The following FAN1 variants were observed in gnomAD, a reference collection of about 807,000 sequenced individuals.
FAN1 encodes the protein fanconi-associated nuclease 1.
A neutral mutation model predicts 104.9 loss-of-function variants in FAN1; 91 were observed. The observed-to-expected ratio is 0.87, with a 90% CI of 0.73 to 1.03. FAN1 has a LOEUF of 1.03. Ranked by LOEUF, FAN1 falls within the 50% of genes least tolerant of loss-of-function variation. FAN1 has a pLI of 0.00. For missense variants in FAN1, 1,263 were observed against 1,239.9 expected (o/e 1.02, Z -0.28); for synonymous variants, 478 against 457.6 (o/e 1.04, Z -0.57).
At chr15:30,938,319 C>G (rs1343545275) in intron 14 of FAN1, among the ~76,000 whole-genome samples, 1 of 152,108 alleles carries the variant, frequency 6.6e-6, no homozygotes, top group Non-Finnish European at 1.5e-5. Flanking sequence ...TTATGATTAT[C>G]TAAGAAGGGC....
chr15:30,909,092 C>G (rs1159332504), intron 3 of FAN1, among the ~76,000 whole-genome samples: 2 of 151,288 alleles, frequency 1.3e-5, no homozygotes, highest in African/African-American at 4.9e-5. Flanking sequence ...TGATACCCTT[C>G]GTTGTCTTGT....
Position 30,942,276 on chromosome 15 carries a change from TTACTATCAGCCTGAA to T in FAN1, c.*716_*730del. The T allele has an allele frequency of 1.5e-6, 1 of 657,816 alleles. No homozygotes were observed. The highest frequency in any genetic ancestry group is 3.0e-5 in the Admixed American group (1 of 33,140). The allele number at this position is 657,816 out of a possible 1,614,324, so 40.7% of individuals were successfully genotyped here. A position where few individuals can be genotyped will look rare whatever the true frequency, so the allele number is the denominator to read the frequency against. On this transcript the variant is annotated 3_prime_UTR_variant, in exon 15 of 15. Coordinates refer to ENST00000362065, the MANE Select transcript of FAN1 (RefSeq NM_014967.5). ...TTATGTGTTGACTCTACCTAGGCTG[TTACTATCAGCCTGAA>T]TGGGGGCGGGATGAGAGTACCTCCT...
At chr15:30,936,911 A>G (rs1268547430) in intron 13 of FAN1, among the ~76,000 whole-genome samples, 1 of 152,204 alleles carries the variant, frequency 6.6e-6, no homozygotes, top group African/African-American at 2.4e-5. Flanking sequence ...TGTTGAATGT[A>G]TATCACTTTT....
chr15:30,928,111 C>T (rs1031291230), intron 10 of FAN1: 11 of 1,000,112 alleles, frequency 1.1e-5, no homozygotes, highest in Non-Finnish European at 1.3e-5. Context: ...TCCGGGAGGT[C>T]CCCTTAGGGA....
At chr15:30,940,837 T>C (rs1339762815) in intron 14 of FAN1, 4 of 989,032 alleles carry the variant, frequency 4.0e-6, no homozygotes, top group Non-Finnish European at 4.8e-6. Context: ...CTAAGTTTAA[T>C]TATCTGCAGC....
At chr15:30,925,666 T>C in intron 9 of FAN1, 123 bp from the exon 10 acceptor site, 1 of 1,099,444 alleles carries the variant, frequency 9.1e-7, no homozygotes, top group Non-Finnish European at 1.3e-6. Flanking sequence ...AGCCCCACGC[T>C]GTGTGCTCTA....
chr15:30,925,742 CT>C lies in FAN1; in HGVS notation c.2338-43del, dbSNP rs542737477. 119 of 1,606,174 alleles carry C rather than the reference CT, an allele frequency of 7.4e-5. No homozygotes were observed. The African/African-American group carries it at 1.2e-3, about 17-fold the overall frequency. Reference sequence around the variant, plus strand: ...GATGCTACAGGCAGGTTTTCAGGGACTTTTGCTGACCTGAGGCTAATAGATG... The same window carrying C: ...GATGCTACAGGCAGGTTTTCAGGGACTTTGCTGACCTGAGGCTAATAGATG... On this transcript the variant is annotated intron_variant, in intron 9 of 14. Transcript: ENST00000362065.
chr15:30,913,556 T>C (rs372724816), intron 4 of FAN1, among the ~76,000 whole-genome samples: 5 of 152,190 alleles, frequency 3.3e-5, no homozygotes, highest in Non-Finnish European at 5.9e-5. Flanking sequence ...AGGCAATACT[T>C]TTCTGAAAGT....
intron 14 of FAN1, chr15:30,941,347 G>T: frequency 6.5e-7 from 1 of 1,534,578 alleles, no homozygotes; most frequent in Non-Finnish European, 8.7e-7. Flanking sequence ...AAATATTAGT[G>T]CAAATTCCAA....
At position 30,942,127 on chromosome 15, in the gene FAN1, A is replaced by G; in HGVS notation, c.*565A>G. On this transcript the variant is annotated 3_prime_UTR_variant, in exon 15 of 15. Transcript: ENST00000362065. Reference sequence around the variant, plus strand: ...GGGATTCCCTTTTTAGAAAGATTGAAGGATGCAATGGCAAATATAAACTCA... The same window carrying G: ...GGGATTCCCTTTTTAGAAAGATTGAGGGATGCAATGGCAAATATAAACTCA... 6.5e-7 allele frequency: 1 copy of G among 1,543,790 alleles called. No homozygotes were observed. Among genetic ancestry groups the G allele is most frequent in the South Asian group, 1.2e-5 (1 of 80,400 alleles).
chr15:30,916,196 C>T (rs993806986), intron 5 of FAN1, among the ~76,000 whole-genome samples: 12 of 152,068 alleles, frequency 7.9e-5, no homozygotes, highest in African/African-American at 2.9e-4. Flanking sequence ...TTTTTACTGG[C>T]TTTACGCTTT....
In FAN1 at chr15:30,905,124, G is replaced by A. The variant is rs145226318; in HGVS notation, c.461G>A (p.Ser154Asn). 5.2e-5 allele frequency: 84 copies of A among 1,613,900 alleles called. 1 individual carries two copies. Among genetic ancestry groups the A allele is most frequent in the South Asian group, 2.5e-4 (23 of 91,088 alleles). ...AGTGTGAAAGTCATTTGTTTGGGAA[G>A]CCTAGCATCTAAATTGTCCAGAAAA... Reference protein sequence around the residue: ...NRSVKVICLGSLASKLSRKYV... With the variant: ...NRSVKVICLGNLASKLSRKYV... Residue 154 changes from serine to asparagine, a missense_variant, in exon 2 of 15, where the codon AGC becomes AAC. Physicochemically the swap from Ser to Asn is conservative, Grantham distance 46. Around this residue, in one of 2 missense-constraint regions of FAN1, gnomAD observed 682 missense variants for 571.1 expected, o/e 1.19. Transcript: ENST00000362065.
intron 14 of FAN1, chr15:30,939,317 C>T (rs954061738): frequency 4.1e-6 from 4 of 985,320 alleles, no homozygotes; most frequent in Admixed American, 1.2e-4. Flanking sequence ...TGCGGCATTC[C>T]CTCAGCACGG....
Position 30,943,036 on chromosome 15 carries a change from C to G in FAN1, c.*1474C>G. ...ACAGAGGGGAATTTTAAGCCCTTCT[C>G]ATCACCCAATTGGATGTTTTTGCTT... On this transcript the variant is annotated 3_prime_UTR_variant, in exon 15 of 15. Transcript: ENST00000362065. 1 of 1,547,448 alleles carries G rather than the reference C, an allele frequency of 6.5e-7. No individual in the cohort carries two copies. The highest frequency in any genetic ancestry group is 8.7e-7 in the Non-Finnish European group (1 of 1,145,968).
intron 10 of FAN1, chr15:30,926,919 G>A (rs922483761): frequency 1.0e-5 from 10 of 985,446 alleles, no homozygotes; most frequent in Non-Finnish European, 1.2e-5. Flanking sequence ...GGAATTTTGT[G>A]TCAGAGCGAT....
At chr15:30,926,509 G>C in intron 10 of FAN1, 2 of 404,620 alleles carry the variant, frequency 4.9e-6, no homozygotes, top group Non-Finnish European at 6.7e-6. Flanking sequence ...AGATTAACAA[G>C]TACTATAGAA....
At chr15:30,922,439 T>C (rs2062356385) in intron 8 of FAN1, 85 bp downstream of exon 8, 2 of 1,304,128 alleles carry the variant, frequency 1.5e-6, no homozygotes, top group South Asian at 1.4e-5. Context: ...CCTTAAAATT[T>C]ACATGTAATT....
chr15:30,909,557 T>G (rs1476601496), intron 3 of FAN1, among the ~76,000 whole-genome samples: 1 of 152,190 alleles, frequency 6.6e-6, no homozygotes, highest in African/African-American at 2.4e-5. Flanking sequence ...GAGCCTTGAC[T>G]TACCTTCAAA....
intron 10 of FAN1, chr15:30,928,005 G>A (rs1409001952): frequency 2.0e-6 from 2 of 985,710 alleles, no homozygotes; most frequent in South Asian, 4.7e-5. Context: ...CTTGACTATC[G>A]GAAGCACTGG....
Sources: allele counts gnomAD v4.1 joint callset (sites outside exome capture counted in the v4.1 genomes callset), GRCh38; gene constraint gnomAD v4.1.1; regional missense constraint gnomAD v4.1.1; transcripts MANE v1.5; gene names NCBI Gene and HGNC (gene_info 2026-07-23, HGNC 2026-07-21).